The following THSD7B variants were observed in gnomAD, a reference collection of about 807,000 sequenced individuals.
The protein encoded by THSD7B is thrombospondin type 1 domain containing 7B.
THSD7B carries 138 observed loss-of-function variants against 213.6 expected under a neutral mutation model. That is an observed-to-expected ratio of 0.65 (90% CI 0.56 to 0.74). THSD7B has a LOEUF of 0.74. Ranked by LOEUF, THSD7B falls within the 30% of genes least tolerant of loss-of-function variation. The pLI is 0.00. For missense variants in THSD7B, 1,931 were observed against 1,991.5 expected (o/e 0.97, Z 0.58); for synonymous variants, 742 against 687.0 (o/e 1.08, Z -1.25).
intron 5 of THSD7B, chr2:137,156,068 T>G (rs1291280827): frequency 1.3e-5 from 2 of 152,128 alleles, no homozygotes; most frequent in African/African-American, 4.8e-5. Flanking sequence ...AATTGATGAA[T>G]TAAACTAAAT....
chr2:137,056,452 C>T lies in THSD7B; in HGVS notation c.172C>T (p.Pro58Ser), dbSNP rs370386499. 6.2e-7 allele frequency: 1 copy of T among 1,613,602 alleles called. No individual in the cohort carries two copies. Among genetic ancestry groups the T allele is most frequent in the African/African-American group, 1.3e-5 (1 of 74,918 alleles). The change falls in exon 3 of 28, where the codon CCC (proline) becomes TCC (serine). Residue 58 changes from proline to serine, a missense_variant. Pro to Ser is a moderately conservative substitution (Grantham distance 74). Coordinates refer to ENST00000409968, the MANE Select transcript of THSD7B (RefSeq NM_001316349.2). The stretch of plus-strand genomic sequence containing the variant: ...GGGAAGGTGTACAGGAGACTGTGGT[C>T]CCGGAGGAGTCCAGAGTCGGGCAGT... ...PWGRCTGDCG[P>S]GGVQSRAVWC...
At chr2:137,481,088 A>T (rs1688296641) in intron 15 of THSD7B, among the ~76,000 whole-genome samples, 2 of 152,242 alleles carry the variant, frequency 1.3e-5, no homozygotes, top group Admixed American at 1.3e-4. Flanking sequence ...TTGGAAGCAG[A>T]GAACGACCTT....
chr2:137,024,632 C>G (rs539919676), intron 2 of THSD7B, among the ~76,000 whole-genome samples: 1 of 152,190 alleles, frequency 6.6e-6, no homozygotes, highest in African/African-American at 2.4e-5. Flanking sequence ...TATTAGCATA[C>G]CTGTATTAAA....
intron 1 of THSD7B, among the ~76,000 whole-genome samples, chr2:136,825,330 T>C (rs1349007176): frequency 6.6e-6 from 1 of 152,206 alleles, no homozygotes; most frequent in Non-Finnish European, 1.5e-5. Flanking sequence ...TCTCACTCAC[T>C]GCACCAAAAT....
chr2:137,292,891 T>A (rs1303563807), intron 12 of THSD7B, among the ~76,000 whole-genome samples: 1 of 152,144 alleles, frequency 6.6e-6, no homozygotes, highest in Non-Finnish European at 1.5e-5. Flanking sequence ...TGGGTTAAAT[T>A]TGTACTTTAA....
At chr2:137,118,306 C>T (rs558784039) in intron 5 of THSD7B, among the ~76,000 whole-genome samples, 313 of 152,242 alleles carry the variant, frequency 2.1e-3, no homozygotes, top group South Asian at 7.2e-3. Flanking sequence ...ATTCCACAGT[C>T]CTTTCTCAGA....
At chr2:137,074,410 C>A (rs1186443740) in intron 3 of THSD7B, among the ~76,000 whole-genome samples, 2 of 152,028 alleles carry the variant, frequency 1.3e-5, no homozygotes, top group African/African-American at 4.8e-5. Flanking sequence ...ATTGCAACCC[C>A]TGCCTTTTTT....
chr2:137,035,174 G>T (rs527772987), intron 2 of THSD7B, among the ~76,000 whole-genome samples: 3 of 152,278 alleles, frequency 2.0e-5, no homozygotes, highest in South Asian at 2.1e-4. Context: ...GAAGTTGTGT[G>T]TCTCTTATCA....
At chr2:136,972,227 G>A (rs1228327699) in intron 2 of THSD7B, among the ~76,000 whole-genome samples, 1 of 152,094 alleles carries the variant, frequency 6.6e-6, no homozygotes, top group Admixed American at 6.6e-5. Flanking sequence ...AGTGCTGAGG[G>A]GTAGTGAGAG....
intron 12 of THSD7B, among the ~76,000 whole-genome samples, chr2:137,386,547 T>C (rs1264625630): frequency 6.6e-6 from 1 of 152,226 alleles, no homozygotes; most frequent in Admixed American, 6.5e-5. Flanking sequence ...ATCCTTTTTC[T>C]TTAACTATTA....
At chr2:137,345,340 T>C (rs753756979) in intron 12 of THSD7B, among the ~76,000 whole-genome samples, 1 of 151,704 alleles carries the variant, frequency 6.6e-6, no homozygotes, top group Non-Finnish European at 1.5e-5. Context: ...TACATGAAAA[T>C]AATTGCATAG....
At chr2:136,981,032 C>A (rs1341190660) in intron 2 of THSD7B, among the ~76,000 whole-genome samples, 1 of 139,586 alleles carries the variant, frequency 7.2e-6, no homozygotes, top group Non-Finnish European at 1.6e-5. Context: ...CTCGGTGGAG[C>A]CACAGTGGGA....
rs554535936 is a variant in THSD7B, at chr2:137,196,044, C to T, written c.1723+25106C>T. ...ACTGACATGATCATAGAGATGACATCGTTGGCACTGCACAAAAAGTGCCTA... is the reference window on the plus strand; with the variant it reads ...ACTGACATGATCATAGAGATGACATTGTTGGCACTGCACAAAAAGTGCCTA... On this transcript the variant is annotated intron_variant, in intron 7 of 27. Coordinates refer to ENST00000409968, the MANE Select transcript of THSD7B (RefSeq NM_001316349.2). Among the ~76,000 whole-genome samples, 42 of 152,262 alleles carry T rather than the reference C, an allele frequency of 2.8e-4. No homozygotes were observed. In the East Asian group the frequency reaches 6.0e-3, roughly 22 times the overall value.
chr2:136,859,483 T>C (rs1683227142), intron 1 of THSD7B, among the ~76,000 whole-genome samples: 2 of 152,294 alleles, frequency 1.3e-5, no homozygotes, highest in South Asian at 4.1e-4. Flanking sequence ...TGCTAATAGA[T>C]CATAACTATA....
chr2:137,393,150 T>C (rs1217344376), intron 12 of THSD7B, among the ~76,000 whole-genome samples: 1 of 140,634 alleles, frequency 7.1e-6, no homozygotes, highest in Non-Finnish European at 1.6e-5. Context: ...TTCCAGCTTT[T>C]TTTTTTTTAA....
chr2:137,674,208 G>T (rs1683645001), intron 27 of THSD7B, among the ~76,000 whole-genome samples: 1 of 152,136 alleles, frequency 6.6e-6, no homozygotes, highest in Admixed American at 6.5e-5. Flanking sequence ...TCCTTGCCCA[G>T]TGGCCTTTAG....
chr2:137,051,638 T>C (rs1687072885), intron 2 of THSD7B, among the ~76,000 whole-genome samples: 1 of 152,228 alleles, frequency 6.6e-6, no homozygotes, highest in South Asian at 2.1e-4. Context: ...ATTATTCATG[T>C]CATCTCCCCA....
At chr2:137,520,527 G>A (rs150232415) in intron 15 of THSD7B, among the ~76,000 whole-genome samples, 109 of 152,314 alleles carry the variant, frequency 7.2e-4, no homozygotes, top group African/African-American at 2.1e-3. Flanking sequence ...CTAATTCTCA[G>A]TGCTTCGTTA....
In THSD7B at chr2:136,913,986, T is replaced by C. The variant is rs377255014; in HGVS notation, c.139+31669T>C. Among the ~76,000 whole-genome samples the C allele has an allele frequency of 6.6e-5, 10 of 152,258 alleles. No individual in the cohort carries two copies. The East Asian group carries it at 1.9e-3, about 29-fold the overall frequency. On this transcript the variant is annotated intron_variant, in intron 2 of 27. Transcript: ENST00000409968. ...GTAGATCCACTGACAGCTTGAACCA[T>C]GCATCTGGAAAAGCCACAGACACTC...
Sources: gnomAD v4.1 joint callset for allele counts (sites outside exome capture counted in the v4.1 genomes callset) on GRCh38, gnomAD v4.1.1 for gene constraint, MANE v1.5 for transcripts, NCBI Gene and HGNC (gene_info 2026-07-23, HGNC 2026-07-21) for gene names.